Variants in BEST4 observed in about 807,000 individuals in gnomAD.
BEST4 encodes bestrophin 4, also known as bestrophin-4.
BEST4 carries 36 observed loss-of-function variants against 47.1 expected under a neutral mutation model. The observed-to-expected ratio is 0.76, with a 90% confidence interval of 0.59 to 1.01. The LOEUF is 1.01. Ranked by LOEUF, BEST4 falls within the 50% of genes least tolerant of loss-of-function variation. The pLI, the probability that BEST4 is intolerant of heterozygous loss-of-function variation, is 0.00. For missense variants in BEST4, 550 were observed against 648.6 expected, an observed-to-expected ratio of 0.85 and a Z score of 1.65; for synonymous variants, 250 against 277.8, an observed-to-expected ratio of 0.90 and a Z score of 1.00.
intron 2 of BEST4, 116 bp downstream of exon 2, chr1:44,787,256 C>T: frequency 1.0e-6 from 1 of 962,422 alleles, no homozygotes; most frequent in Non-Finnish European, 1.6e-6. Context: ...GCTGAGACTG[C>T]AGGTGTGTCA....
At chr1:44,792,716 G>T (rs1651444406), upstream of BEST4, among the ~76,000 whole-genome samples, 1 of 151,950 alleles carries the variant, frequency 6.6e-6, no homozygotes, top group East Asian at 1.9e-4. Flanking sequence ...TCCTCCGTTG[G>T]CCTCTGTGAC....
At chr1:44,789,066 C>G (rs1461350753), upstream of BEST4, among the ~76,000 whole-genome samples, 1 of 151,590 alleles carries the variant, frequency 6.6e-6, no homozygotes, top group Non-Finnish European at 1.5e-5. Context: ...ACTAGCCTGG[C>G]CCAACATGGT....
Position 44,786,155 on chromosome 1 carries a change from G to T in BEST4, c.555C>A (p.Cys185Ter). 6.2e-7 allele frequency: 1 copy of T among 1,614,082 alleles called. No homozygotes were observed. The highest frequency in any genetic ancestry group is 2.2e-5 in the East Asian group (1 of 44,874). The change falls in exon 4 of 9, where the codon TGC (cysteine) becomes TGA (stop). Residue 185 changes from cysteine to a stop codon, truncating the protein, a stop_gained. Coordinates refer to ENST00000372207, the MANE Select transcript of BEST4 (RefSeq NM_153274.3). LOFTEE classifies it high-confidence loss of function. The surrounding 1 kb of genome is among the most constrained non-coding windows in gnomAD (Gnocchi z 4.9). The stretch of plus-strand genomic sequence containing the variant: ...GGGCCGCCAGGTTGGTGAACCAGAC[G>T]CAGGGGACCCAGTACTTGTTGAAGT... ...KSDFNKYWVP[C>*]VWFTNLAAQA...
At chr1:44,789,526 C>G (rs922775369), upstream of BEST4, among the ~76,000 whole-genome samples, 3 of 151,926 alleles carry the variant, frequency 2.0e-5, no homozygotes, top group Non-Finnish European at 4.4e-5. Context: ...TGGAGAAACC[C>G]CATCTCTACT....
rs1651257229 is a variant in BEST4, at chr1:44,786,801, T to A, written c.248-105A>T. On this transcript the variant is annotated intron_variant, in intron 2 of 8. Transcript: ENST00000372207. The surrounding 1 kb of genome is among the most constrained non-coding windows in gnomAD (Gnocchi z 4.9). ...AAGGGCCTGGTCCAGGCCAGTTGAA[T>A]CGTGGCAGGGGGAAGGAAACATTCA... The A allele has an allele frequency of 1.2e-6, 1 of 859,016 alleles. No individual in the cohort carries two copies. The highest frequency in any genetic ancestry group is 2.5e-5 in the Admixed American group (1 of 39,250). 53.2% of individuals were successfully genotyped at this position (859,016 alleles called of 1,614,324 possible).
chr1:44,790,486 C>A (rs569744630), upstream of BEST4, among the ~76,000 whole-genome samples: 1 of 152,132 alleles, frequency 6.6e-6, no homozygotes, highest in Non-Finnish European at 1.5e-5. Context: ...CCATGATCTT[C>A]CCCAGGTTAC....
intron 6 of BEST4, 55 bp downstream of exon 6, chr1:44,785,053 C>T: frequency 6.2e-7 from 1 of 1,609,126 alleles, no homozygotes; most frequent in Non-Finnish European, 8.5e-7. Context: ...GTCGGGGCAG[C>T]CCCTCTGCCC....
At chr1:44,792,472 A>C (rs2148850688), upstream of BEST4, among the ~76,000 whole-genome samples, 1 of 151,928 alleles carries the variant, frequency 6.6e-6, no homozygotes. Context: ...GGGGATGATA[A>C]TGCCTATCAC....
chr1:44,786,536 G>C lies in BEST4; in HGVS notation c.408C>G (p.Ser136=), dbSNP rs760217991. The C allele has an allele frequency of 5.9e-5, 92 of 1,550,590 alleles. No homozygotes were observed. The highest frequency in any genetic ancestry group is 4.1e-5 in the African/African-American group (3 of 73,212). Residue 136 remains serine (S), a synonymous_variant, in exon 3 of 9, where the codon TCC becomes TCG. Transcript: ENST00000372207. The surrounding 1 kb of genome is among the most constrained non-coding windows in gnomAD (Gnocchi z 4.9). ...RTLIRYANLA[S]VLVLRSVSTR... ...TGCTGACCGAGCGCAGCACCAGCAC[G>C]GACGCCAGGTTCGCGTAGCGGATGA...
At position 44,784,854 on chromosome 1, in the gene BEST4, G is replaced by C. The variant is rs1651162603; in HGVS notation, c.993+51C>G. The C allele has an allele frequency of 6.2e-7, 1 of 1,611,692 alleles. No homozygotes were observed. On this transcript the variant is annotated intron_variant, in intron 7 of 8. Coordinates refer to ENST00000372207, the MANE Select transcript of BEST4 (RefSeq NM_153274.3). The surrounding 1 kb of genome is among the most constrained non-coding windows in gnomAD (Gnocchi z 6.2). ...CACGGCCGGGCTGAGAGCTGACCGG[G>C]AGAGGGGGCCCAGGAGCTGCCCTGG...
Position 44,784,383 on chromosome 1 carries a change from C to T in BEST4, c.1249G>A (p.Gly417Ser). The change falls in exon 9 of 9, where the codon GGC (glycine) becomes AGC (serine). Residue 417 changes from glycine to serine, a missense_variant. Gly to Ser is a moderately conservative substitution (Grantham distance 56). Transcript: ENST00000372207. This position sits in a 1 kb window ranked among gnomAD's most constrained non-coding sequence, Gnocchi z 6.2. The stretch of plus-strand genomic sequence containing the variant: ...ATGGCCGGGGAGGGCGCCCCTACGC[C>T]CAGGAAGCGGCCGAGCAACGGGGTC... ...AQTPLLGRFL[G>S]VGAPSPAISL... 3 of 1,401,242 alleles carry T rather than the reference C, an allele frequency of 2.1e-6. No homozygotes were observed. Among genetic ancestry groups the T allele is most frequent in the Non-Finnish European group, 2.8e-6 (3 of 1,089,594 alleles). The allele number at this position is 1,401,242 out of a possible 1,614,324, so 86.8% of individuals were successfully genotyped here.
chr1:44,789,065 G>T (rs1651336456), upstream of BEST4, among the ~76,000 whole-genome samples: 1 of 151,634 alleles, frequency 6.6e-6, no homozygotes, highest in South Asian at 2.1e-4. Flanking sequence ...GACTAGCCTG[G>T]CCCAACATGG....
rs1651125462 is a variant in BEST4, at chr1:44,784,194, G to A, written c.*16C>T. On this transcript the variant is annotated 3_prime_UTR_variant, in exon 9 of 9. Transcript: ENST00000372207. This position sits in a 1 kb window ranked among gnomAD's most constrained non-coding sequence, Gnocchi z 6.2. ...GGGCAGTGGGTGGGGGAAACCGGGC[G>A]GGGGCAGGCGAGACCTCAGGGCTCC... 1 of 1,394,674 alleles carries A rather than the reference G, an allele frequency of 7.2e-7. No homozygotes were observed. The highest frequency in any genetic ancestry group is 3.6e-5 in the Admixed American group (1 of 27,530). 86.4% of individuals were successfully genotyped at this position (1,394,674 alleles called of 1,614,324 possible).
rs141277899 is a variant in BEST4 at position 44,786,122 on chromosome 1, C to G, written c.588G>C (p.Arg196=). The change falls in exon 4 of 9, where the codon CGG becomes CGC. Residue 196 remains arginine, a synonymous_variant. Transcript: ENST00000372207. This position sits in a 1 kb window ranked among gnomAD's most constrained non-coding sequence, Gnocchi z 4.9. ...VWFTNLAAQA[R]RDGRIRDDIA... Reference sequence around the variant, plus strand: ...TATCGTCACGTATTCGCCCGTCCCTCCGGGCCTGGGCCGCCAGGTTGGTGA... The same window carrying G: ...TATCGTCACGTATTCGCCCGTCCCTGCGGGCCTGGGCCGCCAGGTTGGTGA... The G allele has an allele frequency of 2.2e-5, 36 of 1,613,862 alleles. 1 individual carries two copies. Among genetic ancestry groups the G allele is most frequent in the Non-Finnish European group, 3.0e-5 (35 of 1,179,948 alleles).
chr1:44,790,927 C>CA (rs1227416220), upstream of BEST4, among the ~76,000 whole-genome samples: 2 of 151,866 alleles, frequency 1.3e-5, no homozygotes, highest in Non-Finnish European at 2.9e-5. Flanking sequence ...AAAACAAAAA[C>CA]AAAAAAAGAA....
Position 44,784,813 on chromosome 1 carries a change from C to A in BEST4, c.994-30G>T. On this transcript the variant is annotated intron_variant, in intron 7 of 8. Transcript: ENST00000372207. This position sits in a 1 kb window ranked among gnomAD's most constrained non-coding sequence, Gnocchi z 6.2. ...GCCACCAGCAAGTTACAAGGATCCT[C>A]CTCTCCTCTCCTTCCCACGGCCGGG... The A allele has an allele frequency of 6.3e-7, 1 of 1,597,920 alleles. No individual in the cohort carries two copies. The highest frequency in any genetic ancestry group is 8.5e-7 in the Non-Finnish European group (1 of 1,171,488).
In BEST4 at chr1:44,784,741, G is replaced by C. The variant is rs1256577053; in HGVS notation, c.1036C>G (p.Pro346Ala). The change falls in exon 8 of 9, where the codon CCC becomes GCC. Residue 346 changes from proline to alanine, a missense_variant. By Grantham distance (27) the Pro-to-Ala change is conservative. This residue lies in a region of BEST4 where 255 missense variants were observed against 286.6 expected (regional missense o/e 0.89). Coordinates refer to ENST00000372207, the MANE Select transcript of BEST4 (RefSeq NM_153274.3). The surrounding 1 kb of genome is among the most constrained non-coding windows in gnomAD (Gnocchi z 6.2). The stretch of plus-strand genomic sequence containing the variant: ...TCCCAGTACTGGTCCTTCTCAGCGG[G>C]GGGAAGGTTCTGGTACATTTCGTCC... ...SVDEMYQNLP[P>A]AEKDQYWDED... is the part of the protein sequence containing the mutation. 1.2e-6 allele frequency: 2 copies of C among 1,603,066 alleles called. No individual in the cohort carries two copies. Among genetic ancestry groups the C allele is most frequent in the South Asian group, 1.1e-5 (1 of 89,762 alleles).
upstream of BEST4, among the ~76,000 whole-genome samples, chr1:44,791,170 A>G (rs887124203): frequency 4.0e-5 from 6 of 151,686 alleles, no homozygotes; most frequent in Admixed American, 3.3e-4. Flanking sequence ...TACATTCTCC[A>G]TGGGAGATGT....
Position 44,786,787 on chromosome 1 carries a change from C to T in BEST4, c.248-91G>A. 2.0e-6 allele frequency: 2 copies of T among 979,580 alleles called. No homozygotes were observed. Among genetic ancestry groups the T allele is most frequent in the Non-Finnish European group, 3.0e-6 (2 of 662,334 alleles). The allele number at this position is 979,580 out of a possible 1,614,324, so 60.7% of individuals were successfully genotyped here. A position where few individuals can be genotyped will look rare whatever the true frequency, so the allele number is the denominator to read the frequency against. ...CACCTCCCCCAGCAAAGGGCCTGGT[C>T]CAGGCCAGTTGAATCGTGGCAGGGG... On this transcript the variant is annotated intron_variant, in intron 2 of 8. Transcript: ENST00000372207. This position sits in a 1 kb window ranked among gnomAD's most constrained non-coding sequence, Gnocchi z 4.9.
Sources: gnomAD v4.1 joint callset for allele counts (sites outside exome capture counted in the v4.1 genomes callset) on GRCh38, gnomAD v4.1.1 for gene constraint, gnomAD v4.1.1 regional missense constraint, Gnocchi (gnomAD v3.1) non-coding constraint, MANE v1.5 for transcripts, NCBI Gene and HGNC (gene_info 2026-07-23, HGNC 2026-07-21) for gene names.